The following ANKS1B variants were observed in gnomAD, a reference collection of about 807,000 sequenced individuals.
ANKS1B encodes the protein ankyrin repeat and sterile alpha motif domain-containing protein 1B.
In ANKS1B, 36 loss-of-function variants were observed where a neutral mutation model predicts 148.3. The ratio of observed to expected loss-of-function variants is 0.24; its 90% confidence interval spans 0.19 to 0.32. The LOEUF is 0.32. Among genes scored for constraint, ANKS1B ranks in the 10% least tolerant of loss-of-function variants. The pLI is 1.00. For missense variants in ANKS1B, 1,157 were observed against 1,542.6 expected (o/e 0.75, Z 4.19); for synonymous variants, 542 against 560.8 (o/e 0.97, Z 0.47).
intron 12 of ANKS1B, among the ~76,000 whole-genome samples, chr12:99,309,282 T>G (rs1164647901): frequency 1.3e-5 from 2 of 152,062 alleles, no homozygotes; most frequent in African/African-American, 4.8e-5. Context: ...ATTTATTGTT[T>G]GCTAATTTGG....
intron 15 of ANKS1B, among the ~76,000 whole-genome samples, chr12:99,105,981 C>G (rs1321843584): frequency 6.6e-6 from 1 of 152,062 alleles, no homozygotes; most frequent in Non-Finnish European, 1.5e-5. Context: ...TGGTCTCCAA[C>G]AAGAAGAGTG....
At chr12:99,481,042 T>A (rs2096402264) in intron 10 of ANKS1B, among the ~76,000 whole-genome samples, 1 of 151,724 alleles carries the variant, frequency 6.6e-6, no homozygotes, top group Admixed American at 6.6e-5. Context: ...TAAAAAAAAA[T>A]TCAATAGCTT....
At chr12:98,845,959 A>C (rs527840218) in intron 17 of ANKS1B, among the ~76,000 whole-genome samples, 31 of 139,256 alleles carry the variant, frequency 2.2e-4, no homozygotes, top group African/African-American at 7.8e-4. Flanking sequence ...TCTTATTAGA[A>C]TTCTTCATAT....
chr12:99,541,793 T>G (rs2097128671), intron 9 of ANKS1B, among the ~76,000 whole-genome samples: 1 of 151,772 alleles, frequency 6.6e-6, no homozygotes, highest in Non-Finnish European at 1.5e-5. Context: ...GAGCGGAGGT[T>G]GCAGTGAGCC....
intron 12 of ANKS1B, among the ~76,000 whole-genome samples, chr12:99,352,996 A>G (rs937801170): frequency 1.8e-4 from 27 of 152,066 alleles, no homozygotes; most frequent in African/African-American, 6.5e-4. Context: ...AATTGTAATT[A>G]GACTCTTCAC....
intron 17 of ANKS1B, among the ~76,000 whole-genome samples, chr12:99,052,734 CAAAAA>C (rs56965572): frequency 1.4e-3 from 37 of 26,014 alleles, no homozygotes; most frequent in African/African-American, 6.8e-3. Context: ...GACTCCGTCT[CAAAAA>C]AAAAAAAAAA....
At chr12:99,103,350 C>T (rs749832240) in intron 15 of ANKS1B, among the ~76,000 whole-genome samples, 3 of 152,148 alleles carry the variant, frequency 2.0e-5, no homozygotes, top group Non-Finnish European at 4.4e-5. Context: ...CAATTCCTTG[C>T]TATTTTGACT....
rs968935673 is a variant in ANKS1B at position 99,586,768 on chromosome 12, C to T, written c.1272+68299G>A. Among the ~76,000 whole-genome samples the T allele has an allele frequency of 9.2e-5, 14 of 152,168 alleles. 1 individual carries two copies. Among genetic ancestry groups the T allele is most frequent in the African/African-American group, 3.4e-4 (14 of 41,442 alleles). On this transcript the variant is annotated intron_variant, in intron 9 of 26. Transcript: ENST00000683438. ...GCGGAAGGTGAATGAGGGGCAAAGT[C>T]ATGTCTTACGTGGTTGCAGGCAAAG...
chr12:98,755,590 G>A (rs1051960734), intron 25 of ANKS1B, among the ~76,000 whole-genome samples: 1 of 152,208 alleles, frequency 6.6e-6, no homozygotes, highest in African/African-American at 2.4e-5. Flanking sequence ...CTACCATTAA[G>A]GGAGAACTTA....
intron 17 of ANKS1B, among the ~76,000 whole-genome samples, chr12:98,964,982 G>T (rs1444104399): frequency 3.9e-5 from 6 of 152,102 alleles, no homozygotes; most frequent in Non-Finnish European, 7.4e-5. Context: ...GTAACACAAA[G>T]AAAGGATAAA....
chr12:99,938,671 C>G (rs1394132248), intron 1 of ANKS1B, among the ~76,000 whole-genome samples: 1 of 152,328 alleles, frequency 6.6e-6, no homozygotes, highest in East Asian at 1.9e-4. Flanking sequence ...GTTGGTCACA[C>G]AGCCAGACCC....
chr12:99,508,213 T>A (rs1004407645), intron 9 of ANKS1B, among the ~76,000 whole-genome samples: 1 of 152,018 alleles, frequency 6.6e-6, no homozygotes, highest in East Asian at 1.9e-4. Flanking sequence ...CTCCTGACAA[T>A]GGACTTTTAA....
At chr12:99,418,871 GTGTTGAATTT>G (rs1299939731) in intron 11 of ANKS1B, among the ~76,000 whole-genome samples, 1 of 152,022 alleles carries the variant, frequency 6.6e-6, no homozygotes, top group African/African-American at 2.4e-5. Context: ...ACATGAATGG[GTGTTGAATTT>G]TGTTGAATGC....
chr12:99,691,157 C>A (rs1189580659), intron 8 of ANKS1B, among the ~76,000 whole-genome samples: 1 of 152,182 alleles, frequency 6.6e-6, no homozygotes, highest in Non-Finnish European at 1.5e-5. Context: ...ATGCAAGGCA[C>A]CATGTTCCAA....
intron 15 of ANKS1B, among the ~76,000 whole-genome samples, chr12:99,115,160 GAC>G (rs1315558441): frequency 6.6e-6 from 1 of 152,114 alleles, no homozygotes; most frequent in African/African-American, 2.4e-5. Context: ...CTCCCATAAA[GAC>G]ACATGCATGC....
At chr12:98,813,515 T>A (rs1050050759) in intron 19 of ANKS1B, among the ~76,000 whole-genome samples, 12 of 151,016 alleles carry the variant, frequency 7.9e-5, no homozygotes, top group African/African-American at 2.9e-4. Flanking sequence ...CTGTGCCCAG[T>A]CTTAAATTTA....
chr12:99,807,589 A>C (rs1474815896), intron 3 of ANKS1B, among the ~76,000 whole-genome samples: 1 of 152,182 alleles, frequency 6.6e-6, no homozygotes, highest in Non-Finnish European at 1.5e-5. Flanking sequence ...AGCAGCTGCC[A>C]CCATCAGAGT....
At chr12:98,933,409 T>G (rs1322735295) in intron 17 of ANKS1B, among the ~76,000 whole-genome samples, 1 of 152,110 alleles carries the variant, frequency 6.6e-6, no homozygotes, top group African/African-American at 2.4e-5. Flanking sequence ...TGATGGATAT[T>G]TAGGTTGTTT....
At chr12:98,966,988 T>C (rs186409354) in intron 17 of ANKS1B, among the ~76,000 whole-genome samples, 1 of 152,040 alleles carries the variant, frequency 6.6e-6, no homozygotes, top group Non-Finnish European at 1.5e-5. Flanking sequence ...TGTATACATA[T>C]GTAACAAACC....
Sources: gnomAD v4.1 joint callset for allele counts (sites outside exome capture counted in the v4.1 genomes callset) on GRCh38, gnomAD v4.1.1 for gene constraint, MANE v1.5 for transcripts, NCBI Gene and HGNC (gene_info 2026-07-23, HGNC 2026-07-21) for gene names.